Variants in CRYZL1 observed in about 807,000 individuals in gnomAD.
CRYZL1 encodes the protein crystallin zeta like 1, also known as ferry endosomal RAB5 effector complex subunit 4.
A neutral mutation model predicts 50.6 loss-of-function variants in CRYZL1; 34 were observed. The observed-to-expected ratio is 0.67, with a 90% CI of 0.51 to 0.89. The LOEUF is 0.89. Ranked by LOEUF, CRYZL1 falls within the 40% of genes least tolerant of loss-of-function variation. The pLI is 0.00. For synonymous variants in CRYZL1, 125 were observed against 134.3 expected, an observed-to-expected ratio of 0.93 and a Z score of 0.48; for missense variants, 354 against 402.3, an observed-to-expected ratio of 0.88 and a Z score of 1.03.
intron 8 of CRYZL1, among the ~76,000 whole-genome samples, chr21:33,600,945 TTTTTTTTTG>T (rs1281552257): frequency 8.4e-6 from 1 of 119,510 alleles, no homozygotes; most frequent in African/African-American, 3.3e-5. Context: ...TTTTTTTTTT[TTTTTTTTTG>T]GGGGCGGACT....
In CRYZL1 at chr21:33,596,625, C is replaced by T. The variant is rs145842849; in HGVS notation, c.798+655G>A. 3.5e-3 allele frequency among the ~76,000 whole-genome samples: 530 copies of T among 151,338 alleles called. 3 individuals carry two copies. Among genetic ancestry groups the T allele is most frequent in the African/African-American group, 0.012 (502 of 41,242 alleles). ...TGTGCTCCAGCCTGGGCAACAAGAG[C>T]GAAACTTTGTTCCAAAAAATAAAAA... On this transcript the variant is annotated intron_variant, in intron 10 of 12. Transcript: ENST00000381554.
chr21:33,624,570 A>G, intron 3 of CRYZL1, 113 bp downstream of exon 3: 1 of 1,491,554 alleles, frequency 6.7e-7, no homozygotes, highest in Middle Eastern at 2.3e-4. Context: ...ATTAACAAAA[A>G]TGAAGATGGT....
chr21:33,612,720 TG>T (rs2086886140), intron 6 of CRYZL1, among the ~76,000 whole-genome samples: 1 of 152,248 alleles, frequency 6.6e-6, no homozygotes, highest in Non-Finnish European at 1.5e-5. Context: ...AGTGTGTGTG[TG>T]TGTACATGTA....
intron 2 of CRYZL1, among the ~76,000 whole-genome samples, chr21:33,627,384 C>T (rs1233432014): frequency 6.6e-6 from 1 of 152,144 alleles, no homozygotes; most frequent in East Asian, 1.9e-4. Flanking sequence ...CAGGCGTGTG[C>T]CACTGTGCCT....
chr21:33,634,261 G>A (rs1269496278), intron 1 of CRYZL1, among the ~76,000 whole-genome samples: 1 of 152,080 alleles, frequency 6.6e-6, no homozygotes, highest in African/African-American at 2.4e-5. Context: ...TCCTTTGAAG[G>A]CTCTCTAAAA....
In CRYZL1 at chr21:33,610,794, C is replaced by T. The variant is rs939616333; in HGVS notation, c.331+2744G>A. On this transcript the variant is annotated intron_variant, in intron 6 of 12. Transcript: ENST00000381554. ...TGTCACCGAGGCTGGAGTACAGTGG[C>T]ACTGTTGGCTCACTGCAACCTCCGT... 4.4e-5 allele frequency among the ~76,000 whole-genome samples: 6 copies of T among 137,308 alleles called. 1 individual carries two copies. In the East Asian group the frequency reaches 1.3e-3, roughly 29 times the overall value. The allele number at this position is 137,308 out of a possible 152,430, so 90.1% of individuals were successfully genotyped here.
At position 33,613,584 on chromosome 21, in the gene CRYZL1, T is replaced by C. The variant is rs762314300; in HGVS notation, c.285A>G (p.Glu95=). 7.4e-6 allele frequency: 12 copies of C among 1,613,268 alleles called. No homozygotes were observed. The African/African-American group carries it at 1.3e-4, about 18-fold the overall frequency. ...TAACAACTTCACAAAGTCCAGGGTCTTCAGAGTCCAGGGGCAAAATTCCTA... is the reference window on the plus strand; with the variant it reads ...TAACAACTTCACAAAGTCCAGGGTCCTCAGAGTCCAGGGGCAAAATTCCTA... ...EVVGILPLDS[E]DPGLCEVVRV... Residue 95 remains glutamate (E), a synonymous_variant, in exon 6 of 13, where the codon GAA becomes GAG. Coordinates refer to ENST00000381554, the MANE Select transcript of CRYZL1 (RefSeq NM_145858.3).
rs185990900 is a variant in CRYZL1 at position 33,604,462 on chromosome 21, G to A, written c.332-925C>T. 1.6e-3 allele frequency among the ~76,000 whole-genome samples: 242 copies of A among 151,232 alleles called. 1 individual carries two copies. The highest frequency in any genetic ancestry group is 5.7e-3 in the African/African-American group (233 of 41,204). ...GAGAATGGTGTGAACCCGGGAGGTG[G>A]AGGTTGCAGTGAGCTAAGATTGCAC... is the stretch of plus-strand genomic sequence containing the variant. On this transcript the variant is annotated intron_variant, in intron 6 of 12. Transcript: ENST00000381554.
chr21:33,619,702 T>A (rs1411077976), intron 4 of CRYZL1, among the ~76,000 whole-genome samples: 1 of 152,168 alleles, frequency 6.6e-6, no homozygotes, highest in African/African-American at 2.4e-5. Context: ...AGGAGAATTT[T>A]CTTGACAAAA....
At chr21:33,591,254 A>G in intron 11 of CRYZL1, 47 bp from the exon 12 acceptor site, 1 of 1,482,864 alleles carries the variant, frequency 6.7e-7, no homozygotes, top group South Asian at 1.1e-5. Context: ...AGAATTAAAT[A>G]AAACCATTCA....
At chr21:33,608,172 T>C (rs1324491849) in intron 6 of CRYZL1, among the ~76,000 whole-genome samples, 1 of 152,136 alleles carries the variant, frequency 6.6e-6, no homozygotes, top group Non-Finnish European at 1.5e-5. Context: ...ACATATCCCT[T>C]GGCTGGGCGC....
chr21:33,592,615 T>A (rs775782522), intron 11 of CRYZL1, among the ~76,000 whole-genome samples: 5 of 152,256 alleles, frequency 3.3e-5, no homozygotes, highest in Non-Finnish European at 5.9e-5. Context: ...TAATTGCCCG[T>A]ACTTCTGAAT....
At chr21:33,625,422 T>C (rs2145952410) in intron 2 of CRYZL1, among the ~76,000 whole-genome samples, 1 of 152,326 alleles carries the variant, frequency 6.6e-6, no homozygotes, top group South Asian at 2.1e-4. Flanking sequence ...CCCAAAGTGC[T>C]GGGATTATAG....
chr21:33,597,349 T>C lies in CRYZL1; in HGVS notation c.729A>G (p.Pro243=). 6.2e-7 allele frequency: 1 copy of C among 1,607,126 alleles called. No individual in the cohort carries two copies. Among genetic ancestry groups the C allele is most frequent in the East Asian group, 2.2e-5 (1 of 44,834 alleles). Reference sequence around the variant, plus strand: ...GAAGTGTGATGATATCATGTTTATGTGGTAGTAGTTGTAGTTTTACAGCTG... The same window carrying C: ...GAAGTGTGATGATATCATGTTTATGCGGTAGTAGTTGTAGTTTTACAGCTG... The part of the protein sequence containing the change: ...DEPAVKLQLL[P]HKHDIITLLG... The change falls in exon 10 of 13, where the codon CCA becomes CCG. Residue 243 remains proline, a synonymous_variant. Transcript: ENST00000381554.
intron 5 of CRYZL1, 103 bp from the exon 6 acceptor site, chr21:33,613,709 GT>G (rs770269472): frequency 1.2e-4 from 102 of 823,880 alleles, no homozygotes; most frequent in Non-Finnish European, 1.8e-4. Context: ...TTTGAGGAAG[GT>G]TCCAGTAATT....
chr21:33,620,376 C>A (rs1373360202), intron 4 of CRYZL1, among the ~76,000 whole-genome samples: 3 of 152,104 alleles, frequency 2.0e-5, no homozygotes, highest in African/African-American at 7.2e-5. Context: ...ATCATTATTT[C>A]ATCATAAAAA....
chr21:33,612,943 C>T (rs2086889438), intron 6 of CRYZL1, among the ~76,000 whole-genome samples: 1 of 152,074 alleles, frequency 6.6e-6, no homozygotes, highest in African/African-American at 2.4e-5. Context: ...CATGCCTCAT[C>T]CTCCTGAGTA....
chr21:33,635,456 T>C (rs1056528510), intron 1 of CRYZL1, among the ~76,000 whole-genome samples: 2 of 150,702 alleles, frequency 1.3e-5, no homozygotes, highest in Admixed American at 6.6e-5. Context: ...GTTCACGCCA[T>C]TCTCCTGCCT....
At chr21:33,629,325 A>C (rs975879592) in intron 2 of CRYZL1, among the ~76,000 whole-genome samples, 1 of 152,166 alleles carries the variant, frequency 6.6e-6, no homozygotes, top group Non-Finnish European at 1.5e-5. Context: ...GCAGTGGCAC[A>C]ATCTTGGCTC....
Sources: allele counts gnomAD v4.1 joint callset (sites outside exome capture counted in the v4.1 genomes callset), GRCh38; gene constraint gnomAD v4.1.1; transcripts MANE v1.5; gene names NCBI Gene and HGNC (gene_info 2026-07-23, HGNC 2026-07-21).